PLCB3: variants seen among roughly 807,000 people sequenced by gnomAD.
PLCB3 encodes 1-phosphatidylinositol 4,5-bisphosphate phosphodiesterase beta-3.
A neutral mutation model predicts 152.1 loss-of-function variants in PLCB3; 54 were observed. The observed-to-expected ratio is 0.36, with a 90% CI of 0.29 to 0.45. The LOEUF (loss-of-function observed/expected upper bound fraction) is 0.45. PLCB3 is among the 20% of genes least tolerant of loss of function. PLCB3 has a pLI of 1.00. For missense variants in PLCB3, 1,248 were observed against 1,687.5 expected, an observed-to-expected ratio of 0.74 and a Z score of 4.56; for synonymous variants, 717 against 698.7, an observed-to-expected ratio of 1.03 and a Z score of -0.41.
Position 64,262,491 on chromosome 11 carries a change from C to T in PLCB3, c.2123C>T (p.Pro708Leu), listed in dbSNP as rs377220651. Residue 708 changes from proline to leucine, a missense_variant, in exon 18 of 31, where the codon CCG (proline) becomes CTG (leucine). Pro to Leu is a moderately conservative substitution (Grantham distance 98, BLOSUM62 -3). Transcript: ENST00000279230. Reference sequence around the variant, plus strand: ...CTCAAGCCGGAGTTCATGCGGCGGCCGGACAAGTCCTTCGACCCCTTCACT... The same window carrying T: ...CTCAAGCCGGAGTTCATGCGGCGGCTGGACAAGTCCTTCGACCCCTTCACT... ...YLLKPEFMRRPDKSFDPFTEV... is the reference protein window; with the variant it reads ...YLLKPEFMRRLDKSFDPFTEV... 236 of 1,613,856 alleles carry T rather than the reference C, an allele frequency of 1.5e-4. No homozygotes were observed. The highest frequency in any genetic ancestry group is 3.8e-4 in the Admixed American group (23 of 60,008).
chr11:64,259,715 A>T (rs149186897), intron 13 of PLCB3, among the ~76,000 whole-genome samples: 1 of 151,756 alleles, frequency 6.6e-6, no homozygotes, highest in Non-Finnish European at 1.5e-5. Flanking sequence ...TAACCTCTCT[A>T]TGTCATCCCT....
rs1342247017 is a variant in PLCB3, at chr11:64,266,938, C to T, written c.3415-247C>T. On this transcript the variant is annotated intron_variant, in intron 29 of 30. Coordinates refer to ENST00000279230, the MANE Select transcript of PLCB3 (RefSeq NM_000932.5). This position sits in a 1 kb window ranked among gnomAD's most constrained non-coding sequence, Gnocchi z 4.9. ...CCTCCCGAGTAGCTGGGATTACAGG[C>T]ATCCGCCACCATGCCTGGCTAATTT... Among the ~76,000 whole-genome samples the T allele has an allele frequency of 6.6e-6, 1 of 152,204 alleles. No homozygotes were observed. Among genetic ancestry groups the T allele is most frequent in the Admixed American group, 6.5e-5 (1 of 15,288 alleles).
At chr11:64,261,363 G>A (rs755149718) in intron 14 of PLCB3, 37 bp from the exon 15 acceptor site, 20 of 1,485,078 alleles carry the variant, frequency 1.3e-5, no homozygotes, top group East Asian at 1.1e-4. Flanking sequence ...CAGCTGTGGC[G>A]GGAATGGCAC....
rs376963501 is a variant in PLCB3, at chr11:64,266,421, C to G, written c.3356+17C>G. ...GAAGGAGGCGTAAGGGCACCGGGAC[C>G]GGGGGCCATCTGGGTACTGGGGAGG... On this transcript the variant is annotated intron_variant, in intron 28 of 30. Transcript: ENST00000279230. The surrounding 1 kb of genome is among the most constrained non-coding windows in gnomAD (Gnocchi z 4.9). 1 of 1,599,678 alleles carries G rather than the reference C, an allele frequency of 6.3e-7. No individual in the cohort carries two copies. Among genetic ancestry groups the G allele is most frequent in the African/African-American group, 1.3e-5 (1 of 74,644 alleles).
In PLCB3 at chr11:64,260,132, G is replaced by C; in HGVS notation, c.1629G>C (p.Leu543=). Residue 543 remains leucine (L), a synonymous_variant, in exon 14 of 31, where the codon CTG becomes CTC. Coordinates refer to ENST00000279230, the MANE Select transcript of PLCB3 (RefSeq NM_000932.5). ...EPQKSLGDEG[L]NRGPYVLGPA... is the part of the protein sequence containing the mutation. ...AGAAGTCTCTGGGTGACGAGGGCCT[G>C]AACCGAGGCCCCTATGTTCTTGGAC... 1 of 1,611,442 alleles carries C rather than the reference G, an allele frequency of 6.2e-7. No homozygotes were observed. The highest frequency in any genetic ancestry group is 8.5e-7 in the Non-Finnish European group (1 of 1,179,036).
chr11:64,253,314 A>G (rs1318185898), intron 1 of PLCB3, among the ~76,000 whole-genome samples: 1 of 152,144 alleles, frequency 6.6e-6, no homozygotes, highest in African/African-American at 2.4e-5. Flanking sequence ...GCAGGCTACG[A>G]AGTGTCCCTG....
chr11:64,263,440 C>G, intron 19 of PLCB3, 58 bp from the exon 20 acceptor site: 4 of 1,090,404 alleles, frequency 3.7e-6, no homozygotes, highest in Non-Finnish European at 5.4e-6. Context: ...TAGCTGTGGC[C>G]TGGTAGCCAC....
rs375446926 is a variant in PLCB3 at position 64,256,391 on chromosome 11, G to A, written c.714G>A (p.Lys238=). Residue 238 remains lysine (K), a synonymous_variant, in exon 9 of 31, where the codon AAG becomes AAA. Coordinates refer to ENST00000279230, the MANE Select transcript of PLCB3 (RefSeq NM_000932.5). ...TCCCCTCCAGAGGCGCCAAGGGCAA[G>A]CCATACCTGACGCTGGAGCAGCTCA... ...KILLEIGAKG[K]PYLTLEQLMD... 1.9e-6 allele frequency: 3 copies of A among 1,613,396 alleles called. No homozygotes were observed. The African/African-American group carries it at 4.0e-5, about 22-fold the overall frequency.
In PLCB3 at chr11:64,258,585, C is replaced by G. The variant is rs766103292; in HGVS notation, c.1125C>G (p.Pro375=). The G allele has an allele frequency of 6.2e-7, 1 of 1,614,070 alleles. No individual in the cohort carries two copies. The highest frequency in any genetic ancestry group is 1.1e-5 in the South Asian group (1 of 91,090). ...AGGGACGGCCGCCTGAGGAGGAACCCTTCATTACCCACGGCTTCACCATGA... is the reference window on the plus strand; with the variant it reads ...AGGGACGGCCGCCTGAGGAGGAACCGTTCATTACCCACGGCTTCACCATGA... ...VWKGRPPEEE[P]FITHGFTMTT... The change falls in exon 11 of 31, where the codon CCC becomes CCG. Residue 375 remains proline (P), a synonymous_variant. Transcript: ENST00000279230. This position sits in a 1 kb window ranked among gnomAD's most constrained non-coding sequence, Gnocchi z 7.2.
At chr11:64,256,286 C>G in intron 8 of PLCB3, 90 bp from the exon 9 acceptor site, 1 of 1,244,678 alleles carries the variant, frequency 8.0e-7, no homozygotes, top group Non-Finnish European at 1.1e-6. Flanking sequence ...AGGGGCAGGC[C>G]TTCTGACTCC....
chr11:64,267,150 G>T lies in PLCB3; in HGVS notation c.3415-35G>T. On this transcript the variant is annotated intron_variant, in intron 29 of 30. Coordinates refer to ENST00000279230, the MANE Select transcript of PLCB3 (RefSeq NM_000932.5). The surrounding 1 kb of genome is among the most constrained non-coding windows in gnomAD (Gnocchi z 5.2). ...CCTCGAGGCTCTAGCCCCTCCCTCA[G>T]GGCCCCTCAGCTGAGCCCTTGCCCA... The T allele has an allele frequency of 6.5e-7, 1 of 1,541,222 alleles. No homozygotes were observed. Among genetic ancestry groups the T allele is most frequent in the Non-Finnish European group, 8.8e-7 (1 of 1,139,884 alleles).
intron 1 of PLCB3, among the ~76,000 whole-genome samples, chr11:64,252,951 C>T (rs974391847): frequency 2.0e-5 from 3 of 152,112 alleles, no homozygotes; most frequent in Non-Finnish European, 2.9e-5. Context: ...GCACACCATT[C>T]GGGGGCCTCA....
intron 15 of PLCB3, 35 bp downstream of exon 15, chr11:64,261,531 C>T (rs1187858118): frequency 2.5e-6 from 4 of 1,608,836 alleles, no homozygotes; most frequent in Non-Finnish European, 3.4e-6. Context: ...TGGGAGCTTG[C>T]CCAGCTCAGC....
Sources: gnomAD v4.1 joint callset for allele counts (sites outside exome capture counted in the v4.1 genomes callset) on GRCh38, gnomAD v4.1.1 for gene constraint, Gnocchi (gnomAD v3.1) non-coding constraint, MANE v1.5 for transcripts, NCBI Gene and HGNC (gene_info 2026-07-23, HGNC 2026-07-21) for gene names.